Variants in HRH1 observed in about 807,000 individuals in gnomAD.
The protein encoded by HRH1 is histamine H1 receptor.
HRH1 carries 6 observed loss-of-function variants against 10.3 expected under a neutral mutation model. That is an observed-to-expected ratio of 0.58 (90% CI 0.32 to 1.15). HRH1 has a LOEUF of 1.15. Among genes scored for constraint, HRH1 ranks in the 50% most tolerant of loss-of-function variants. The pLI, the probability that HRH1 is intolerant of heterozygous loss-of-function variation, is 0.05. For synonymous variants in HRH1, 242 were observed against 236.7 expected (o/e 1.02, Z -0.21); for missense variants, 514 against 615.3 (o/e 0.84, Z 1.74).
intron 1 of HRH1, among the ~76,000 whole-genome samples, chr3:11,176,649 A>G (rs1242459699): frequency 2.0e-5 from 3 of 152,336 alleles, no homozygotes; most frequent in South Asian, 4.1e-4. Context: ...CTTAAAGCCA[A>G]TCAGGATTAG....
rs142061552 is a variant in HRH1 at position 11,209,026 on chromosome 3, G to A, written c.-35-49977G>A. Reference sequence around the variant, plus strand: ...CCCTCAACTGCCTTGTATTGCCCACGTAGATGCTAAAATCTAAACAGCCCA... The same window carrying A: ...CCCTCAACTGCCTTGTATTGCCCACATAGATGCTAAAATCTAAACAGCCCA... On this transcript the variant is annotated intron_variant, in intron 1 of 1. Transcript: ENST00000431010. Among the ~76,000 whole-genome samples the A allele has an allele frequency of 4.3e-3, 657 of 152,238 alleles. 5 individuals are homozygous for A. The highest frequency in any genetic ancestry group is 0.015 in the African/African-American group (622 of 41,532).
At chr3:11,161,888 C>T (rs546374762) in intron 1 of HRH1, among the ~76,000 whole-genome samples, 45 of 152,186 alleles carry the variant, frequency 3.0e-4, no homozygotes, top group African/African-American at 7.2e-4. Context: ...TGGGAAGGGC[C>T]GATAAATAGC....
At chr3:11,248,101 A>C (rs181577951) in intron 1 of HRH1, among the ~76,000 whole-genome samples, 43 of 152,314 alleles carry the variant, frequency 2.8e-4, no homozygotes, top group Non-Finnish European at 8.8e-5. Flanking sequence ...CGGTGTTATT[A>C]GGAATAAAAG....
chr3:11,254,990 G>A (rs1029751706), intron 1 of HRH1, among the ~76,000 whole-genome samples: 1 of 152,186 alleles, frequency 6.6e-6, no homozygotes, highest in Non-Finnish European at 1.5e-5. Flanking sequence ...TCTATTAGGT[G>A]GGAAGGAAGA....
chr3:11,182,963 C>CT (rs1351998164), intron 1 of HRH1, among the ~76,000 whole-genome samples: 5 of 152,292 alleles, frequency 3.3e-5, no homozygotes, highest in African/African-American at 7.2e-5. Context: ...GCACTTTTCC[C>CT]TTTTTTTCCT....
At chr3:11,224,201 G>A (rs932177133) in intron 1 of HRH1, among the ~76,000 whole-genome samples, 1 of 152,292 alleles carries the variant, frequency 6.6e-6, no homozygotes, top group Admixed American at 6.5e-5. Context: ...TGAATAAGAC[G>A]TGGCCTCTGC....
Position 11,255,141 on chromosome 3 carries a change from T to G in HRH1, c.-35-3862T>G, listed in dbSNP as rs187305658. ...TCTTAAGAAACAAAGAACAGAGAAC[T>G]AAACCTTTTTGAAGAGGAATTTATC... On this transcript the variant is annotated intron_variant, in intron 1 of 1. Transcript: ENST00000431010. 2.3e-3 allele frequency among the ~76,000 whole-genome samples: 353 copies of G among 152,208 alleles called. 2 individuals are homozygous for G. Among genetic ancestry groups the G allele is most frequent in the African/African-American group, 7.8e-3 (323 of 41,534 alleles).
chr3:11,225,757 C>A (rs1424386885), intron 1 of HRH1, among the ~76,000 whole-genome samples: 1 of 152,260 alleles, frequency 6.6e-6, no homozygotes, highest in African/African-American at 2.4e-5. Context: ...ACGATCTCGG[C>A]TCACTTCAAC....
intron 1 of HRH1, among the ~76,000 whole-genome samples, chr3:11,208,371 C>G (rs1334973122): frequency 6.6e-6 from 1 of 152,098 alleles, no homozygotes; most frequent in Non-Finnish European, 1.5e-5. Flanking sequence ...AGGCTGGTCT[C>G]CAACTTCTGA....
intron 1 of HRH1, among the ~76,000 whole-genome samples, chr3:11,256,115 A>G (rs1372635307): frequency 6.6e-6 from 1 of 152,012 alleles, no homozygotes; most frequent in African/African-American, 2.4e-5. Context: ...AGAGGATGAG[A>G]TCCCCGAGGC....
chr3:11,188,939 A>G (rs1381146169), intron 1 of HRH1, among the ~76,000 whole-genome samples: 1 of 152,224 alleles, frequency 6.6e-6, no homozygotes, highest in Non-Finnish European at 1.5e-5. Context: ...AGACAGGAGT[A>G]TCATTAGACT....
chr3:11,230,078 A>T (rs1423628817), intron 1 of HRH1, among the ~76,000 whole-genome samples: 1 of 152,108 alleles, frequency 6.6e-6, no homozygotes, highest in Non-Finnish European at 1.5e-5. Context: ...CCTCCAAAGG[A>T]TGAACAAAAG....
At chr3:11,211,029 T>C (rs1938310916) in intron 1 of HRH1, among the ~76,000 whole-genome samples, 1 of 152,242 alleles carries the variant, frequency 6.6e-6, no homozygotes, top group African/African-American at 2.4e-5. Flanking sequence ...GTCATAGCTC[T>C]TAAAGAACTT....
At chr3:11,170,962 T>C (rs570618586) in intron 1 of HRH1, among the ~76,000 whole-genome samples, 2 of 152,212 alleles carry the variant, frequency 1.3e-5, no homozygotes, top group East Asian at 3.9e-4. Context: ...ACTAGAGAGA[T>C]AAGCAGTGTC....
At chr3:11,203,185 C>T (rs567957888) in intron 1 of HRH1, among the ~76,000 whole-genome samples, 159 of 152,318 alleles carry the variant, frequency 1.0e-3, no homozygotes, top group African/African-American at 3.6e-3. Context: ...CAAGCTTTGG[C>T]AATTATAAAT....
rs1939137971 is a variant in HRH1 at position 11,234,976 on chromosome 3, G to A, written c.-35-24027G>A. Among the ~76,000 whole-genome samples the A allele has an allele frequency of 3.3e-5, 5 of 152,142 alleles. 1 individual carries two copies. The South Asian group carries it at 1.0e-3, about 32-fold the overall frequency. On this transcript the variant is annotated intron_variant, in intron 1 of 1. Coordinates refer to ENST00000431010, the MANE Select transcript of HRH1 (RefSeq NM_001098212.2). ...CACGCCTGTAATCCCAGCACTTTGG[G>A]AGGCTGAGGTGGGCGGATCACGAGG...
chr3:11,202,031 G>C (rs1396890496), intron 1 of HRH1, among the ~76,000 whole-genome samples: 2 of 152,170 alleles, frequency 1.3e-5, no homozygotes, highest in Non-Finnish European at 2.9e-5. Context: ...TGGGGAAAAT[G>C]GATTCTTCCT....
rs546237186 is a variant in HRH1, at chr3:11,227,627, G to A, written c.-35-31376G>A. Among the ~76,000 whole-genome samples the A allele has an allele frequency of 1.6e-4, 24 of 152,222 alleles. No individual in the cohort carries two copies. In the South Asian group the frequency reaches 4.6e-3, roughly 29 times the overall value. On this transcript the variant is annotated intron_variant, in intron 1 of 1. Transcript: ENST00000431010. ...TAAATACACACCCAGAAGGAGGCCT[G>A]TCTGAGCTGCACAGGACTCTGGTCT...
At chr3:11,217,844 A>G (rs934371323) in intron 1 of HRH1, among the ~76,000 whole-genome samples, 38 of 152,340 alleles carry the variant, frequency 2.5e-4, no homozygotes, top group African/African-American at 8.7e-4. Context: ...TACCACCTAG[A>G]GAAGCCAAGC....
Sources: gnomAD v4.1 joint callset for allele counts (sites outside exome capture counted in the v4.1 genomes callset) on GRCh38, gnomAD v4.1.1 for gene constraint, MANE v1.5 for transcripts, NCBI Gene and HGNC (gene_info 2026-07-23, HGNC 2026-07-21) for gene names.